TMEM94: variants seen among roughly 807,000 people sequenced by gnomAD.
TMEM94 encodes the protein ER Mg2+ ATPase.
Under a neutral mutation model 158.6 loss-of-function variants are expected in TMEM94, and 81 were observed. The observed-to-expected ratio is 0.51, with a 90% CI of 0.43 to 0.61. The LOEUF is 0.61. TMEM94 is among the 20% of genes least tolerant of loss of function. The pLI is 0.00. For synonymous variants in TMEM94, 751 were observed against 730.7 expected (o/e 1.03, Z -0.45); for missense variants, 1,435 against 1,762.0 (o/e 0.81, Z 3.32).
chr17:75,496,708 A>G (rs1387934148), intron 24 of TMEM94, 22 bp from the exon 25 acceptor site: 1 of 1,612,284 alleles, frequency 6.2e-7, no homozygotes, highest in African/African-American at 1.3e-5. Flanking sequence ...CCAGGCCATA[A>G]TCTGTCCCTC....
chr17:75,492,156 C>T lies in TMEM94; in HGVS notation c.1596+256C>T, dbSNP rs975586056. ...TGGAACCTTCCAAATATACACAGCC[C>T]GGAGCTCCCTCTTAGAGATGTTCCC... On this transcript the variant is annotated intron_variant, in intron 14 of 31. Transcript: ENST00000314256. The surrounding 1 kb of genome is among the most constrained non-coding windows in gnomAD (Gnocchi z 4.4). The T allele has an allele frequency of 1.4e-5, 14 of 986,130 alleles. No homozygotes were observed. Among genetic ancestry groups the T allele is most frequent in the African/African-American group, 4.9e-5 (3 of 60,934 alleles). The allele number at this position is 986,130 out of a possible 1,614,324, so 61.1% of individuals were successfully genotyped here. A position where few individuals can be genotyped will look rare whatever the true frequency, so the allele number is the denominator to read the frequency against.
chr17:75,459,639 C>G (rs1187878901), intron 1 of TMEM94: 1 of 152,104 alleles, frequency 6.6e-6, no homozygotes, highest in Non-Finnish European at 1.5e-5. Flanking sequence ...ACACCCAAGG[C>G]TGTATGTATT....
chr17:75,485,929 C>A lies in TMEM94; in HGVS notation c.203C>A (p.Pro68Gln). 6.2e-7 allele frequency: 1 copy of A among 1,613,690 alleles called. No individual in the cohort carries two copies. The highest frequency in any genetic ancestry group is 8.5e-7 in the Non-Finnish European group (1 of 1,179,876). ...HSNRCSCFHW[P>Q]GASLMLLAVL... ...AACCGCTGCTCCTGCTTCCACTGGCCGGGGGCCTCACTCATGCTACTGGCC... is the reference window on the plus strand; with the variant it reads ...AACCGCTGCTCCTGCTTCCACTGGCAGGGGGCCTCACTCATGCTACTGGCC... The change falls in exon 4 of 32, where the codon CCG becomes CAG. Residue 68 changes from proline to glutamine, a missense_variant. Physicochemically the swap from Pro to Gln is moderately conservative, Grantham distance 76. Transcript: ENST00000314256. This position sits in a 1 kb window ranked among gnomAD's most constrained non-coding sequence, Gnocchi z 5.5.
In TMEM94 at chr17:75,490,131, C is replaced by T. The variant is rs530069238; in HGVS notation, c.955-103C>T. ...CCTTCCTGCCCCTGAGAGAGCTGGC[C>T]CTTCCTGCCCAGGGAATGGCCGTGG... On this transcript the variant is annotated intron_variant, in intron 9 of 31. Transcript: ENST00000314256. 5 of 1,499,810 alleles carry T rather than the reference C, an allele frequency of 3.3e-6. No homozygotes were observed. The African/African-American group carries it at 5.6e-5, about 17-fold the overall frequency. 92.9% of individuals were successfully genotyped at this position (1,499,810 alleles called of 1,614,324 possible).
chr17:75,491,650 G>A lies in TMEM94; in HGVS notation c.1387-41G>A, dbSNP rs76509117. 0.051 allele frequency: 81,490 copies of A among 1,599,510 alleles called. 2,349 individuals carry two copies. The highest frequency in any genetic ancestry group is 0.12 in the Middle Eastern group (713 of 6,018). On this transcript the variant is annotated intron_variant, in intron 13 of 31. Transcript: ENST00000314256. This position sits in a 1 kb window ranked among gnomAD's most constrained non-coding sequence, Gnocchi z 5.1. ...GAAGCATCCTGCCTCCCCAGGCCATGGGAGCCACTGGTCCTAGCCTGTGCT... is the reference window on the plus strand; with the variant it reads ...GAAGCATCCTGCCTCCCCAGGCCATAGGAGCCACTGGTCCTAGCCTGTGCT...
chr17:75,458,484 T>C (rs1041472988), intron 1 of TMEM94, among the ~76,000 whole-genome samples: 2 of 150,402 alleles, frequency 1.3e-5, no homozygotes, highest in African/African-American at 4.9e-5. Flanking sequence ...GGAGGACTGC[T>C]TGAGCCCAGG....
intron 1 of TMEM94, among the ~76,000 whole-genome samples, chr17:75,460,438 T>C (rs2050025914): frequency 6.6e-6 from 1 of 152,002 alleles, no homozygotes; most frequent in African/African-American, 2.4e-5. Flanking sequence ...TTCATTATGT[T>C]GACGTGAAAG....
intron 9 of TMEM94, 88 bp from the exon 10 acceptor site, chr17:75,490,146 A>T: frequency 6.5e-7 from 1 of 1,535,608 alleles, no homozygotes; most frequent in South Asian, 1.2e-5. Context: ...CTGCCCAGGG[A>T]ATGGCCGTGG....
intron 18 of TMEM94, 90 bp from the exon 19 acceptor site, chr17:75,494,537 C>T (rs888442731): frequency 3.0e-6 from 4 of 1,351,054 alleles, no homozygotes; most frequent in South Asian, 1.3e-5. Context: ...CCCATATGCT[C>T]ATTGATTTGG....
chr17:75,464,968 G>A (rs1358564239), intron 1 of TMEM94, among the ~76,000 whole-genome samples: 1 of 151,540 alleles, frequency 6.6e-6, no homozygotes, highest in African/African-American at 2.4e-5. Flanking sequence ...CAAAGTGCTG[G>A]GATTACAGGC....
At chr17:75,476,668 C>G (rs2050706999) in intron 2 of TMEM94, 1 of 1,535,384 alleles carries the variant, frequency 6.5e-7, no homozygotes, top group South Asian at 1.2e-5. Flanking sequence ...CAGCTGACTG[C>G]TTGTGGCTCA....
At chr17:75,493,321 C>T in intron 16 of TMEM94, 170 bp from the exon 17 acceptor site, 1 of 830,076 alleles carries the variant, frequency 1.2e-6, no homozygotes. Flanking sequence ...ATGGTGTCTG[C>T]ATTCCAAGCC....
chr17:75,463,188 A>G lies in TMEM94; in HGVS notation c.-107+6437A>G, dbSNP rs866342989. Among the ~76,000 whole-genome samples, 23 of 130,720 alleles carry G rather than the reference A, an allele frequency of 1.8e-4. 3 individuals carry two copies. In the South Asian group the frequency reaches 5.6e-3, roughly 32 times the overall value. 85.8% of individuals were successfully genotyped at this position (130,720 alleles called of 152,430 possible). On this transcript the variant is annotated intron_variant, in intron 1 of 31. Transcript: ENST00000314256. ...TGTGTGTGTGTGTGTGTATATATAT[A>G]TATATATATACAGTTTAAATTATGT...
At chr17:75,484,931 G>A (rs768359923) in intron 2 of TMEM94, among the ~76,000 whole-genome samples, 87 of 151,768 alleles carry the variant, frequency 5.7e-4, no homozygotes, top group Non-Finnish European at 1.1e-3. Flanking sequence ...CCAGCTACTC[G>A]GGAGGCTGAG....
In TMEM94 at chr17:75,485,056, G is replaced by C. The variant is rs1488448969; in HGVS notation, c.25-372G>C. 1.3e-5 allele frequency among the ~76,000 whole-genome samples: 2 copies of C among 151,222 alleles called. No homozygotes were observed. Among genetic ancestry groups the C allele is most frequent in the African/African-American group, 4.9e-5 (2 of 41,134 alleles). On this transcript the variant is annotated intron_variant, in intron 2 of 31. Coordinates refer to ENST00000314256, the MANE Select transcript of TMEM94 (RefSeq NM_014738.6). This position sits in a 1 kb window ranked among gnomAD's most constrained non-coding sequence, Gnocchi z 5.5. ...CTATCTAAAAAAAAAAAAAAAAATT[G>C]TCCATGCAATCAAAGACTGGCCCCC...
intron 2 of TMEM94, among the ~76,000 whole-genome samples, chr17:75,474,458 TG>T (rs1325825041): frequency 6.6e-6 from 1 of 152,078 alleles, no homozygotes; most frequent in Non-Finnish European, 1.5e-5. Context: ...CTGGCCAACA[TG>T]GTGAAACCCT....
At position 75,495,954 on chromosome 17, in the gene TMEM94, C is replaced by G. The variant is rs780128565; in HGVS notation, c.2945-12C>G. 1 of 1,599,220 alleles carries G rather than the reference C, an allele frequency of 6.3e-7. No individual in the cohort carries two copies. The highest frequency in any genetic ancestry group is 8.6e-7 in the Non-Finnish European group (1 of 1,167,954). ...CCTGCCTGACTCTGGTGCCCTTATA[C>G]GCTGTCCTCAGCCATGTGTGAGATG... On this transcript the variant is annotated splice_polypyrimidine_tract_variant and intron_variant, in intron 22 of 31. Coordinates refer to ENST00000314256, the MANE Select transcript of TMEM94 (RefSeq NM_014738.6). The surrounding 1 kb of genome is among the most constrained non-coding windows in gnomAD (Gnocchi z 5.6).
intron 31 of TMEM94, 52 bp from the exon 32 acceptor site, chr17:75,499,210 C>T: frequency 6.2e-7 from 1 of 1,608,264 alleles, no homozygotes; most frequent in Admixed American, 1.7e-5. Context: ...CTGCCCCGGC[C>T]CCTGGTCTAA....
intron 25 of TMEM94, 126 bp from the exon 26 acceptor site, chr17:75,496,987 G>A (rs1200095592): frequency 1.1e-5 from 11 of 1,028,556 alleles, no homozygotes; most frequent in East Asian, 4.9e-5. Context: ...TATTCCCTCC[G>A]GCCCCTGTTC....
Sources: gnomAD v4.1 joint callset for allele counts (sites outside exome capture counted in the v4.1 genomes callset) on GRCh38, gnomAD v4.1.1 for gene constraint, Gnocchi (gnomAD v3.1) non-coding constraint, MANE v1.5 for transcripts, NCBI Gene and HGNC (gene_info 2026-07-23, HGNC 2026-07-21) for gene names.